The following COA8 variants were observed in gnomAD, a reference collection of about 807,000 sequenced individuals.
The protein encoded by COA8 is UPF0671 protein C14orf153.
COA8 carries 20 observed loss-of-function variants against 22.0 expected under a neutral mutation model. The ratio of observed to expected loss-of-function variants is 0.91; its 90% CI spans 0.64 to 1.32. The LOEUF (loss-of-function observed/expected upper bound fraction) is 1.32. Ranked by LOEUF, COA8 falls within the 40% of genes most tolerant of loss-of-function variation. The pLI, the probability that COA8 is intolerant of heterozygous loss-of-function variation, is 0.00. For synonymous variants in COA8, 105 were observed against 79.9 expected (o/e 1.31, Z -1.68); for missense variants, 266 against 230.0 (o/e 1.16, Z -1.01).
At chr14:103,576,269 G>A (rs1007949161) in intron 3 of COA8, among the ~76,000 whole-genome samples, 1 of 152,124 alleles carries the variant, frequency 6.6e-6, no homozygotes, top group African/African-American at 2.4e-5. Context: ...TTGCGCCACT[G>A]CACTCCAGCC....
chr14:103,578,771 G>C (rs894588792), intron 3 of COA8, among the ~76,000 whole-genome samples: 4 of 152,160 alleles, frequency 2.6e-5, no homozygotes, highest in African/African-American at 9.7e-5. Flanking sequence ...GACCTGTCCT[G>C]AGGGACGCCC....
chr14:103,570,112 C>T (rs919530093), intron 1 of COA8, among the ~76,000 whole-genome samples: 1 of 152,130 alleles, frequency 6.6e-6, no homozygotes. Flanking sequence ...CCACCTCAGC[C>T]TCCCAAAGTG....
chr14:103,577,940 C>T (rs2076240821), intron 3 of COA8, among the ~76,000 whole-genome samples: 1 of 148,126 alleles, frequency 6.8e-6, no homozygotes, highest in Non-Finnish European at 1.5e-5. Flanking sequence ...AGAAGAATCG[C>T]TTGAACCCCG....
intron 1 of COA8, among the ~76,000 whole-genome samples, chr14:103,568,603 A>G (rs1566978042): frequency 2.6e-5 from 3 of 115,712 alleles, no homozygotes; most frequent in Admixed American, 1.0e-4. Context: ...ATGTATACGT[A>G]TATATATATG....
chr14:103,574,075 AG>A, intron 2 of COA8, 31 bp from the exon 3 acceptor site: 3 of 965,142 alleles, frequency 3.1e-6, no homozygotes, highest in Non-Finnish European at 4.3e-6. Context: ...GAGTTCTGAG[AG>A]CCTTTTTTTT....
At chr14:103,588,600 T>C (rs2076328778) in intron 4 of COA8, among the ~76,000 whole-genome samples, 1 of 151,940 alleles carries the variant, frequency 6.6e-6, no homozygotes, top group Non-Finnish European at 1.5e-5. Flanking sequence ...TCCCAGCACT[T>C]TGGGAGGCCA....
chr14:103,569,582 TG>T (rs1173213557), intron 1 of COA8, among the ~76,000 whole-genome samples: 5 of 152,132 alleles, frequency 3.3e-5, no homozygotes, highest in Admixed American at 2.6e-4. Context: ...CCCTGGACAG[TG>T]GTCATGCACG....
intron 3 of COA8, among the ~76,000 whole-genome samples, chr14:103,583,134 T>C (rs1346912767): frequency 1.3e-5 from 2 of 152,242 alleles, no homozygotes; most frequent in African/African-American, 4.8e-5. Flanking sequence ...TACCATGTTT[T>C]GTTTATCCAC....
intron 3 of COA8, among the ~76,000 whole-genome samples, chr14:103,585,007 G>A (rs2076295322): frequency 6.6e-6 from 1 of 152,008 alleles, no homozygotes. Flanking sequence ...GTATGGTGGT[G>A]CGTGCCTGTA....
intron 1 of COA8, among the ~76,000 whole-genome samples, chr14:103,563,590 G>A (rs191630569): frequency 1.8e-3 from 280 of 152,188 alleles, no homozygotes; most frequent in African/African-American, 6.6e-3. Context: ...ACTATGTGTG[G>A]GTATATGCAT....
rs11337243 is a variant in COA8 at position 103,574,078 on chromosome 14, CTT to C, written c.322-5_322-4del. 102,805 of 986,790 alleles carry C rather than the reference CTT, an allele frequency of 0.1. 55 individuals are homozygous for C. The highest frequency in any genetic ancestry group is 0.15 in the East Asian group (3,905 of 26,546). The allele number at this position is 986,790 out of a possible 1,614,324, so 61.1% of individuals were successfully genotyped here. A position where few individuals can be genotyped will look rare whatever the true frequency, so the allele number is the denominator to read the frequency against. On this transcript the variant is annotated intron_variant, in intron 2 of 4. Coordinates refer to ENST00000409074, the MANE Select transcript of COA8 (RefSeq NM_001370595.2). ...AGACAGAGAAAGGAGTTCTGAGAGCCTTTTTTTTTTTTTTTTTTTTTTTTTAA... is the reference window on the plus strand; with the variant it reads ...AGACAGAGAAAGGAGTTCTGAGAGCCTTTTTTTTTTTTTTTTTTTTTTTAA...
intron 2 of COA8, among the ~76,000 whole-genome samples, chr14:103,572,348 G>A (rs1285025011): frequency 6.6e-6 from 1 of 152,164 alleles, no homozygotes; most frequent in African/African-American, 2.4e-5. Context: ...CAGATCTTGA[G>A]ACTTTGAAGG....
rs2142268442 is a variant in COA8 at position 103,563,125 on chromosome 14, G to A, written c.123+1G>A. Reference sequence around the variant, plus strand: ...GCGCAGGGATACGGCGCCCAGCGGGGTAAGCAGGGGCCTGGGGACATTGGG... The same window carrying A: ...GCGCAGGGATACGGCGCCCAGCGGGATAAGCAGGGGCCTGGGGACATTGGG... On this transcript the variant is annotated splice_donor_variant, in intron 1 of 4. Transcript: ENST00000409074. LOFTEE classifies it high-confidence loss of function. 3 of 1,539,782 alleles carry A rather than the reference G, an allele frequency of 1.9e-6. No individual in the cohort carries two copies. The highest frequency in any genetic ancestry group is 2.6e-6 in the Non-Finnish European group (3 of 1,148,346).
rs150255789 is a variant in COA8, at chr14:103,588,626, T to G, written c.476+1262T>G. ...TGGGAGGCCAAGGCAGATGGATTGC[T>G]TGAGCCCAGGAGTTTGAGACCAGCC... On this transcript the variant is annotated intron_variant, in intron 4 of 4. Coordinates refer to ENST00000409074, the MANE Select transcript of COA8 (RefSeq NM_001370595.2). Among the ~76,000 whole-genome samples, 939 of 152,184 alleles carry G rather than the reference T, an allele frequency of 6.2e-3. 10 individuals are homozygous for G. The highest frequency in any genetic ancestry group is 0.022 in the African/African-American group (903 of 41,522).
At chr14:103,564,953 T>C (rs1296556005) in intron 1 of COA8, among the ~76,000 whole-genome samples, 2 of 151,962 alleles carry the variant, frequency 1.3e-5, no homozygotes, top group Non-Finnish European at 2.9e-5. Flanking sequence ...CTCTGCCTTG[T>C]TCGTTTTTTC....
In COA8 at chr14:103,581,881, T is replaced by G. The variant is rs1217844649; in HGVS notation, c.386-5393T>G. Among the ~76,000 whole-genome samples, 1 of 152,192 alleles carries G rather than the reference T, an allele frequency of 6.6e-6. No homozygotes were observed. The highest frequency in any genetic ancestry group is 1.5e-5 in the Non-Finnish European group (1 of 68,030). Reference sequence around the variant, plus strand: ...GCTGTGCCGTCTGAGTGTTTGTTTCTGTCTGTGGGAATAAAGGGGTTGCCA... The same window carrying G: ...GCTGTGCCGTCTGAGTGTTTGTTTCGGTCTGTGGGAATAAAGGGGTTGCCA... On this transcript the variant is annotated intron_variant, in intron 3 of 4. Coordinates refer to ENST00000409074, the MANE Select transcript of COA8 (RefSeq NM_001370595.2). This position sits in a 1 kb window ranked among gnomAD's most constrained non-coding sequence, Gnocchi z 4.1.
chr14:103,579,206 A>G (rs1033186434), intron 3 of COA8, among the ~76,000 whole-genome samples: 1 of 151,448 alleles, frequency 6.6e-6, no homozygotes, highest in Non-Finnish European at 1.5e-5. Context: ...AATGCCTAAG[A>G]CTGAGGCTAG....
At chr14:103,576,552 T>C (rs1181231282) in intron 3 of COA8, among the ~76,000 whole-genome samples, 2 of 152,322 alleles carry the variant, frequency 1.3e-5, no homozygotes, top group East Asian at 3.9e-4. Flanking sequence ...GGTGGCTCAG[T>C]ACCCAGAGGC....
rs1444625411 is a variant in COA8 at position 103,581,502 on chromosome 14, C to G, written c.386-5772C>G. On this transcript the variant is annotated intron_variant, in intron 3 of 4. Transcript: ENST00000409074. This position sits in a 1 kb window ranked among gnomAD's most constrained non-coding sequence, Gnocchi z 4.1. Reference sequence around the variant, plus strand: ...CCTTGGGAGGTTTCATCACGCTACTCAGAACAGCATGCAGTTCAAAACTTA... The same window carrying G: ...CCTTGGGAGGTTTCATCACGCTACTGAGAACAGCATGCAGTTCAAAACTTA... 4 of 397,010 alleles carry G rather than the reference C, an allele frequency of 1.0e-5. No individual in the cohort carries two copies. The highest frequency in any genetic ancestry group is 1.8e-5 in the Non-Finnish European group (4 of 225,388). The allele number at this position is 397,010 out of a possible 1,614,324, so 24.6% of individuals were successfully genotyped here.
Sources: gnomAD v4.1 joint callset for allele counts (sites outside exome capture counted in the v4.1 genomes callset) on GRCh38, gnomAD v4.1.1 for gene constraint, Gnocchi (gnomAD v3.1) non-coding constraint, MANE v1.5 for transcripts, NCBI Gene and HGNC (gene_info 2026-07-23, HGNC 2026-07-21) for gene names.